Variants in CUL3 observed in about 807,000 individuals in gnomAD.
The protein encoded by CUL3 is cullin-3.
In CUL3, 19 loss-of-function variants were observed where a neutral mutation model predicts 89.1. That is an observed-to-expected ratio of 0.21 (90% CI 0.15 to 0.31). The LOEUF is 0.31. Ranked by LOEUF, CUL3 falls within the 10% of genes least tolerant of loss-of-function variation. CUL3 has a pLI of 1.00. For synonymous variants in CUL3, 351 were observed against 308.4 expected (o/e 1.14, Z -1.45); for missense variants, 469 against 942.3 (o/e 0.50, Z 6.58).
At chr2:224,486,230 C>T (rs1048994305) in intron 13 of CUL3, among the ~76,000 whole-genome samples, 1 of 152,090 alleles carries the variant, frequency 6.6e-6, no homozygotes, top group African/African-American at 2.4e-5. Flanking sequence ...GAACTCCTCG[C>T]CAGCAAGGGC....
chr2:224,502,961 T>C lies in CUL3; in HGVS notation c.1485+4A>G, dbSNP rs781029199. On this transcript the variant is annotated splice_donor_region_variant and intron_variant, in intron 10 of 15. Coordinates refer to ENST00000264414, the MANE Select transcript of CUL3 (RefSeq NM_003590.5). ...TCTAAGTAGAAATTAACGCAGAATC[T>C]TACACCAGTTGCCTGTAGATGTTGC... The C allele has an allele frequency of 6.2e-7, 1 of 1,603,946 alleles. No homozygotes were observed. Among genetic ancestry groups the C allele is most frequent in the Non-Finnish European group, 8.5e-7 (1 of 1,171,060 alleles).
chr2:224,513,696 A>G, intron 4 of CUL3, 58 bp from the exon 5 acceptor site: 2 of 1,246,896 alleles, frequency 1.6e-6, no homozygotes, highest in Non-Finnish European at 2.2e-6. Context: ...ATTCACATAA[A>G]AATTACAAAA....
At chr2:224,486,501 C>T (rs576640473) in intron 13 of CUL3, among the ~76,000 whole-genome samples, 2 of 151,604 alleles carry the variant, frequency 1.3e-5, no homozygotes, top group Non-Finnish European at 2.9e-5. Context: ...ATCGATCAAG[C>T]AGAAGAAAGG....
intron 1 of CUL3, among the ~76,000 whole-genome samples, chr2:224,574,143 T>C (rs1241772296): frequency 6.6e-6 from 1 of 152,208 alleles, no homozygotes; most frequent in Non-Finnish European, 1.5e-5. Context: ...CTCTAAGGAA[T>C]CTTATATTTT....
At chr2:224,584,044 T>C (rs1025035687) in intron 1 of CUL3, among the ~76,000 whole-genome samples, 2 of 152,248 alleles carry the variant, frequency 1.3e-5, no homozygotes, top group Non-Finnish European at 2.9e-5. Flanking sequence ...ACATTTTAAT[T>C]GCTTGCCACG....
chr2:224,569,956 CAAAAAAAAAAAAA>C (rs71062948), intron 1 of CUL3: 1 of 57,292 alleles, frequency 1.7e-5, no homozygotes, highest in Non-Finnish European at 3.3e-5. Flanking sequence ...GCTCCAGTCT[CAAAAAAAAAAAAA>C]AAAAAAAAAG....
At chr2:224,508,085 A>C (rs1283147118) in intron 6 of CUL3, among the ~76,000 whole-genome samples, 1 of 148,394 alleles carries the variant, frequency 6.7e-6, no homozygotes, top group Non-Finnish European at 1.5e-5. Context: ...AATTTATATA[A>C]ATTTTCATGT....
chr2:224,503,595 C>G (rs1692480209), intron 9 of CUL3, 57 bp downstream of exon 9: 1 of 1,357,352 alleles, frequency 7.4e-7, no homozygotes, highest in Non-Finnish European at 9.9e-7. Flanking sequence ...GTTGTCAGTA[C>G]ACAATCATAA....
At chr2:224,527,586 G>A (rs1304003051) in intron 3 of CUL3, among the ~76,000 whole-genome samples, 1 of 152,114 alleles carries the variant, frequency 6.6e-6, no homozygotes, top group East Asian at 1.9e-4. Flanking sequence ...TTTTAATCTT[G>A]CATTTTATCA....
rs189535078 is a variant in CUL3, at chr2:224,567,903, T to C, written c.67-10047A>G. ...TATGGTAGCATAGTAGGCACAGACC[T>C]AGTTTATGCTCACTTATCCACACCT... On this transcript the variant is annotated intron_variant, in intron 1 of 15. Transcript: ENST00000264414. Among the ~76,000 whole-genome samples the C allele has an allele frequency of 4.1e-4, 62 of 152,264 alleles. 2 individuals carry two copies. In the East Asian group the frequency reaches 0.011, roughly 27 times the overall value.
intron 3 of CUL3, among the ~76,000 whole-genome samples, chr2:224,519,969 T>A (rs1168435651): frequency 6.6e-6 from 1 of 152,164 alleles, no homozygotes; most frequent in South Asian, 2.1e-4. Context: ...TTTTAAAATG[T>A]CTTAATCCCA....
chr2:224,516,962 A>C (rs546654610), intron 3 of CUL3, among the ~76,000 whole-genome samples: 1 of 152,092 alleles, frequency 6.6e-6, no homozygotes. Flanking sequence ...TTCATCTCAC[A>C]TGACCTCCAG....
intron 1 of CUL3, among the ~76,000 whole-genome samples, chr2:224,583,069 C>T (rs890678574): frequency 1.3e-5 from 2 of 152,266 alleles, no homozygotes; most frequent in South Asian, 4.1e-4. Flanking sequence ...TAAGGCTGCA[C>T]ACACTGCTAG....
Position 224,500,507 on chromosome 2 carries a change from A to C in CUL3, c.1486-20T>G. 1 of 1,611,180 alleles carries C rather than the reference A, an allele frequency of 6.2e-7. No individual in the cohort carries two copies. Among genetic ancestry groups the C allele is most frequent in the Non-Finnish European group, 8.5e-7 (1 of 1,177,950 alleles). On this transcript the variant is annotated intron_variant, in intron 10 of 15. Coordinates refer to ENST00000264414, the MANE Select transcript of CUL3 (RefSeq NM_003590.5). Reference sequence around the variant, plus strand: ...AGATACCTATGTAAAACAGAAAGAGATATTCCCCTCAAAATTAACTAGGAT... The same window carrying C: ...AGATACCTATGTAAAACAGAAAGAGCTATTCCCCTCAAAATTAACTAGGAT...
intron 1 of CUL3, among the ~76,000 whole-genome samples, chr2:224,558,409 C>A (rs1402638423): frequency 4.6e-5 from 7 of 152,220 alleles, no homozygotes; most frequent in Admixed American, 2.6e-4. Context: ...CATCCTCACT[C>A]TATGATTATG....
In CUL3 at chr2:224,474,386, A is replaced by T; in HGVS notation, c.2176-10T>A. 6.2e-7 allele frequency: 1 copy of T among 1,611,072 alleles called. No homozygotes were observed. Among genetic ancestry groups the T allele is most frequent in the Non-Finnish European group, 8.5e-7 (1 of 1,178,608 alleles). On this transcript the variant is annotated splice_polypyrimidine_tract_variant and intron_variant, in intron 15 of 15. Transcript: ENST00000264414. ...TCAACTGCTGAGTTACCTAAAAAAG[A>T]AAGTAGATAGTATTTTTATATAAAC... is the stretch of plus-strand genomic sequence containing the variant.
chr2:224,505,142 T>TC (rs1170175743), intron 8 of CUL3, among the ~76,000 whole-genome samples: 1 of 151,518 alleles, frequency 6.6e-6, no homozygotes, highest in Non-Finnish European at 1.5e-5. Flanking sequence ...TGTTCAGTTT[T>TC]TTTTTTTTTT....
chr2:224,477,385 A>G (rs1691362147), intron 15 of CUL3, among the ~76,000 whole-genome samples: 1 of 152,184 alleles, frequency 6.6e-6, no homozygotes, highest in Non-Finnish European at 1.5e-5. Flanking sequence ...TGTTCCTAAA[A>G]TAAGGGAGGG....
At chr2:224,580,484 G>C (rs1459038123) in intron 1 of CUL3, among the ~76,000 whole-genome samples, 1 of 152,136 alleles carries the variant, frequency 6.6e-6, no homozygotes, top group Non-Finnish European at 1.5e-5. Context: ...AGGAGTTCAA[G>C]ACCAGCCTGG....
Sources: gnomAD v4.1 joint callset for allele counts (sites outside exome capture counted in the v4.1 genomes callset) on GRCh38, gnomAD v4.1.1 for gene constraint, MANE v1.5 for transcripts, NCBI Gene and HGNC (gene_info 2026-07-23, HGNC 2026-07-21) for gene names.